The following RBMS3 variants were observed in gnomAD, a reference collection of about 807,000 sequenced individuals.
RBMS3 encodes RNA binding motif single stranded interacting protein 3, also known as RNA-binding motif, single-stranded-interacting protein 3.
RBMS3 carries 27 observed loss-of-function variants against 66.8 expected under a neutral mutation model. The ratio of observed to expected loss-of-function variants is 0.40; its 90% CI spans 0.30 to 0.56. The LOEUF is 0.56. RBMS3 is among the 20% of genes least tolerant of loss of function. RBMS3 has a pLI of 0.40. For missense variants in RBMS3, 513 were observed against 549.5 expected, an observed-to-expected ratio of 0.93 and a Z score of 0.66; for synonymous variants, 188 against 183.0, an observed-to-expected ratio of 1.03 and a Z score of -0.22.
chr3:29,357,096 C>T (rs1296517393), intron 1 of RBMS3, among the ~76,000 whole-genome samples: 2 of 151,998 alleles, frequency 1.3e-5, no homozygotes, highest in African/African-American at 2.4e-5. Flanking sequence ...ATGTGCACAA[C>T]GTGCAGGTTT....
chr3:29,358,145 C>T (rs994603164), intron 1 of RBMS3, among the ~76,000 whole-genome samples: 1 of 152,122 alleles, frequency 6.6e-6, no homozygotes, highest in Admixed American at 6.5e-5. Flanking sequence ...AATGGTATTG[C>T]CTAGGTTTTC....
rs150252010 is a variant in RBMS3, at chr3:29,772,488, G to A, written c.637+9499G>A. ...TTGAAGAAAAATCATATTCAGTGAT[G>A]CTTGTTAAAGCACAGTAAGAGTTTT... is the stretch of plus-strand genomic sequence containing the variant. On this transcript the variant is annotated intron_variant, in intron 6 of 14. Coordinates refer to ENST00000383767, the MANE Select transcript of RBMS3 (RefSeq NM_001003793.3). Among the ~76,000 whole-genome samples, 551 of 152,094 alleles carry A rather than the reference G, an allele frequency of 3.6e-3. 7 individuals are homozygous for A. The highest frequency in any genetic ancestry group is 0.012 in the African/African-American group (512 of 41,516).
At chr3:29,980,382 C>T (rs529323394) in intron 12 of RBMS3, among the ~76,000 whole-genome samples, 6 of 152,196 alleles carry the variant, frequency 3.9e-5, no homozygotes, top group Admixed American at 1.3e-4. Context: ...TTCTGTAGGT[C>T]GCGTGTTCAC....
intron 6 of RBMS3, among the ~76,000 whole-genome samples, chr3:29,792,533 A>C (rs1036244851): frequency 2.0e-5 from 3 of 152,158 alleles, no homozygotes; most frequent in Non-Finnish European, 4.4e-5. Flanking sequence ...GAGCCAGACT[A>C]TCTAGATCAG....
At chr3:29,592,976 G>A (rs973860433) in intron 4 of RBMS3, among the ~76,000 whole-genome samples, 3 of 138,438 alleles carry the variant, frequency 2.2e-5, no homozygotes, top group Non-Finnish European at 4.6e-5. Flanking sequence ...CTTGGACACA[G>A]GAAGGGGAAC....
At chr3:29,946,143 A>G (rs1463970966) in intron 12 of RBMS3, among the ~76,000 whole-genome samples, 1 of 151,780 alleles carries the variant, frequency 6.6e-6, no homozygotes, top group African/African-American at 2.4e-5. Context: ...TCTTTGGTCT[A>G]CGTCTAAATA....
At position 29,547,875 on chromosome 3, in the gene RBMS3, A is replaced by G. The variant is rs187136167; in HGVS notation, c.308-39239A>G. Among the ~76,000 whole-genome samples, 532 of 146,268 alleles carry G rather than the reference A, an allele frequency of 3.6e-3. 7 individuals carry two copies. Among genetic ancestry groups the G allele is most frequent in the African/African-American group, 0.013 (512 of 38,764 alleles). On this transcript the variant is annotated intron_variant, in intron 3 of 14. Coordinates refer to ENST00000383767, the MANE Select transcript of RBMS3 (RefSeq NM_001003793.3). Reference sequence around the variant, plus strand: ...TTTCCAGGCTGGAGTGCAGTGGCACAATCTCAGTTCACACAACCTCCGTCT... The same window carrying G: ...TTTCCAGGCTGGAGTGCAGTGGCACGATCTCAGTTCACACAACCTCCGTCT...
At chr3:29,375,158 A>G (rs1448031805) in intron 1 of RBMS3, among the ~76,000 whole-genome samples, 8 of 152,218 alleles carry the variant, frequency 5.3e-5, no homozygotes, top group Non-Finnish European at 1.0e-4. Context: ...CTGGCTATAT[A>G]TAGAAAATTG....
chr3:29,672,092 C>A (rs1050307839), intron 4 of RBMS3, among the ~76,000 whole-genome samples: 2 of 152,300 alleles, frequency 1.3e-5, no homozygotes, highest in African/African-American at 4.8e-5. Context: ...GATCTCTCAA[C>A]AGGAACTCTA....
chr3:29,746,837 A>G (rs889657926), intron 5 of RBMS3, among the ~76,000 whole-genome samples: 6 of 152,244 alleles, frequency 3.9e-5, no homozygotes, highest in African/African-American at 1.2e-4. Flanking sequence ...GAGATACAAT[A>G]TATACTTTAT....
intron 4 of RBMS3, among the ~76,000 whole-genome samples, chr3:29,721,793 T>G (rs192252405): frequency 3.3e-5 from 5 of 152,352 alleles, no homozygotes; most frequent in Admixed American, 1.3e-4. Flanking sequence ...AATATATCTG[T>G]AATTAAAGAG....
chr3:29,461,920 A>ATTTTTTTTTTTTTTTTTTTT (rs61115023), intron 2 of RBMS3, among the ~76,000 whole-genome samples: 1 of 93,298 alleles, frequency 1.1e-5, no homozygotes, highest in African/African-American at 4.1e-5. Flanking sequence ...TGCCCGGCTA[A>ATTTTTTTTTTTTTTTTTTTT]TTTTTTTTTT....
At chr3:29,674,402 AGGGTAATCAGGC>A (rs2051143098) in intron 4 of RBMS3, among the ~76,000 whole-genome samples, 1 of 152,164 alleles carries the variant, frequency 6.6e-6, no homozygotes, top group African/African-American at 2.4e-5. Context: ...AGTTCTGGCC[AGGGTAATCAGGC>A]GGGAGAAAGA....
At chr3:29,726,809 A>G (rs772631143) in intron 4 of RBMS3, among the ~76,000 whole-genome samples, 1 of 152,228 alleles carries the variant, frequency 6.6e-6, no homozygotes, top group Non-Finnish European at 1.5e-5. Context: ...TTATAGATTC[A>G]ATGCTATTCC....
intron 6 of RBMS3, among the ~76,000 whole-genome samples, chr3:29,775,242 T>A (rs1008134917): frequency 8.1e-5 from 11 of 135,198 alleles, no homozygotes; most frequent in Admixed American, 6.5e-4. Context: ...ACCAGTTTTT[T>A]TTTATTTTTT....
At chr3:29,412,513 A>G (rs1056551786) in intron 1 of RBMS3, among the ~76,000 whole-genome samples, 4 of 152,204 alleles carry the variant, frequency 2.6e-5, no homozygotes, top group African/African-American at 9.7e-5. Flanking sequence ...AATAAAACTA[A>G]TAATATAATT....
chr3:29,633,704 A>T (rs1041845687), intron 4 of RBMS3, among the ~76,000 whole-genome samples: 14 of 151,842 alleles, frequency 9.2e-5, no homozygotes, highest in Admixed American at 5.3e-4. Flanking sequence ...GCCTACTCAA[A>T]TTCCCAGAAA....
chr3:29,374,216 T>G (rs887340051), intron 1 of RBMS3, among the ~76,000 whole-genome samples: 8 of 152,236 alleles, frequency 5.3e-5, no homozygotes, highest in African/African-American at 1.9e-4. Flanking sequence ...ATTCACAACC[T>G]AGATAAATAG....
At chr3:29,467,691 A>T (rs957365168) in intron 2 of RBMS3, among the ~76,000 whole-genome samples, 5 of 152,192 alleles carry the variant, frequency 3.3e-5, no homozygotes, top group Admixed American at 1.3e-4. Flanking sequence ...ATACATTTTC[A>T]CTTGGGCCAA....
Sources: gnomAD v4.1 joint callset for allele counts (sites outside exome capture counted in the v4.1 genomes callset) on GRCh38, gnomAD v4.1.1 for gene constraint, MANE v1.5 for transcripts, NCBI Gene and HGNC (gene_info 2026-07-23, HGNC 2026-07-21) for gene names.